NEK10: variants seen among roughly 807,000 people sequenced by gnomAD.
The protein encoded by NEK10 is NIMA related kinase 10, also known as serine/threonine-protein kinase Nek10.
In NEK10, 122 loss-of-function variants were observed where a neutral mutation model predicts 159.8. That is an observed-to-expected ratio of 0.76 (90% confidence interval 0.66 to 0.89). The LOEUF (loss-of-function observed/expected upper bound fraction) is 0.89, where lower values mean the gene tolerates loss of function less well. Among genes scored for constraint, NEK10 ranks in the 40% least tolerant of loss-of-function variants. NEK10 has a pLI of 0.00. For missense variants in NEK10, 1,342 were observed against 1,323.1 expected (o/e 1.01, Z -0.22); for synonymous variants, 466 against 457.1 (o/e 1.02, Z -0.25).
At chr3:27,265,656 T>A (rs2040825567) in intron 22 of NEK10, 1 of 152,178 alleles carries the variant, frequency 6.6e-6, no homozygotes, top group Admixed American at 6.5e-5. Context: ...CACTCCAATT[T>A]TAGTATACAT....
chr3:27,214,947 A>C, intron 23 of NEK10: 1 of 875,602 alleles, frequency 1.1e-6, no homozygotes, highest in Non-Finnish European at 1.9e-6. Flanking sequence ...TTCCTAATCC[A>C]AAACCAGTGC....
rs1158696530 is a variant in NEK10, at chr3:27,214,689, A to AT, written c.2091-12133dup. ...TGGAGTTTAAAGCATTACTGATAACATTGTTACAGAAGAATGGCAGCTTAC... is the reference window on the plus strand; with the variant it reads ...TGGAGTTTAAAGCATTACTGATAACATTTGTTACAGAAGAATGGCAGCTTAC... On this transcript the variant is annotated intron_variant, in intron 23 of 35. Coordinates refer to ENST00000691995, the MANE Select transcript of NEK10 (RefSeq NM_001394966.1). 2.2e-5 allele frequency: 14 copies of AT among 631,370 alleles called. 1 individual carries two copies. In the Admixed American group the frequency reaches 3.0e-4, roughly 13 times the overall value. The allele number at this position is 631,370 out of a possible 1,614,324, so 39.1% of individuals were successfully genotyped here. A position where few individuals can be genotyped will look rare whatever the true frequency, so the allele number is the denominator to read the frequency against.
At chr3:27,218,587 G>A (rs564835849) in intron 23 of NEK10, among the ~76,000 whole-genome samples, 4 of 124,818 alleles carry the variant, frequency 3.2e-5, no homozygotes, top group South Asian at 2.8e-4. Context: ...CCTGGGCAAC[G>A]TATCAAGTCT....
intron 6 of NEK10, among the ~76,000 whole-genome samples, chr3:27,316,819 GAGAA>G (rs1225143431): frequency 1.3e-5 from 2 of 151,928 alleles, no homozygotes; most frequent in African/African-American, 4.8e-5. Context: ...GAGAGACAGA[GAGAA>G]AGAGAGAGTT....
chr3:27,312,175 A>G lies in NEK10; in HGVS notation c.492T>C (p.Tyr164=), dbSNP rs1186327800. The G allele has an allele frequency of 2.5e-6, 4 of 1,602,440 alleles. No individual in the cohort carries two copies. Among genetic ancestry groups the G allele is most frequent in the African/African-American group, 2.7e-5 (2 of 74,618 alleles). ...GGTACTCATTGGCTACAATCTCCAT[A>G]TACTGCATGAAGGACCAAACCAACA... The part of the protein sequence containing the change: ...SLGGIENLAQ[Y]MEIVANEYLG... The change falls in exon 8 of 36, where the codon TAT becomes TAC. Residue 164 remains tyrosine (Y), a splice_region_variant and synonymous_variant. Coordinates refer to ENST00000691995, the MANE Select transcript of NEK10 (RefSeq NM_001394966.1).
chr3:27,269,887 G>C (rs1323679266), intron 22 of NEK10, among the ~76,000 whole-genome samples: 1 of 152,182 alleles, frequency 6.6e-6, no homozygotes, highest in Non-Finnish European at 1.5e-5. Context: ...GACTGATATA[G>C]TTCCTCACTT....
Position 27,108,178 on chromosome 3 carries a change from TC to T in NEK10, c.*3093del, listed in dbSNP as rs1485691500. On this transcript the variant is annotated 3_prime_UTR_variant, in exon 36 of 36. Transcript: ENST00000691995. ...ATCAATTATATCATTTGAGTAAATT[TC>T]CTAACAGTGTTTCTTAATTGTGTTC... is the stretch of plus-strand genomic sequence containing the variant. Among the ~76,000 whole-genome samples, 4 of 152,228 alleles carry T rather than the reference TC, an allele frequency of 2.6e-5. No individual in the cohort carries two copies. The highest frequency in any genetic ancestry group is 7.2e-5 in the African/African-American group (3 of 41,454).
chr3:27,253,671 G>C lies in NEK10; in HGVS notation c.2090+2625C>G, dbSNP rs74329999. 6.6e-3 allele frequency among the ~76,000 whole-genome samples: 1,006 copies of C among 152,258 alleles called. 3 individuals carry two copies. The highest frequency in any genetic ancestry group is 0.011 in the Non-Finnish European group (740 of 68,022). On this transcript the variant is annotated intron_variant, in intron 23 of 35. Coordinates refer to ENST00000691995, the MANE Select transcript of NEK10 (RefSeq NM_001394966.1). ...ATATCTGAGGAAGCAAAAGCAAATGGAAAGGGCAAAATGACATGGGGACAT... is the reference window on the plus strand; with the variant it reads ...ATATCTGAGGAAGCAAAAGCAAATGCAAAGGGCAAAATGACATGGGGACAT...
intron 13 of NEK10, 84 bp downstream of exon 13, chr3:27,301,612 T>C (rs1208428188): frequency 5.3e-6 from 6 of 1,126,816 alleles, no homozygotes; most frequent in Non-Finnish European, 7.7e-6. Flanking sequence ...TTTTGCCTAC[T>C]TAACACTACT....
chr3:27,175,964 T>A (rs964967603), intron 26 of NEK10, among the ~76,000 whole-genome samples: 3 of 152,208 alleles, frequency 2.0e-5, no homozygotes, highest in Admixed American at 6.5e-5. Context: ...CAGATTTATG[T>A]GTTTTTTATT....
In NEK10 at chr3:27,141,732, T is replaced by C. The variant is rs1015154964; in HGVS notation, c.2870-150A>G. 5.5e-6 allele frequency: 3 copies of C among 546,748 alleles called. No homozygotes were observed. In the Admixed American group the frequency reaches 1.0e-4, roughly 18 times the overall value. 33.9% of individuals were successfully genotyped at this position (546,748 alleles called of 1,614,324 possible). A position where few individuals can be genotyped will look rare whatever the true frequency, so the allele number is the denominator to read the frequency against. The stretch of plus-strand genomic sequence containing the variant: ...CAGAGACCCTGTAATACTTCAACAT[T>C]TTATGACATGGAATAAAAAATATCT... On this transcript the variant is annotated intron_variant, in intron 30 of 35. Transcript: ENST00000691995.
chr3:27,121,069 C>G (rs762190856), intron 32 of NEK10, among the ~76,000 whole-genome samples: 11 of 152,162 alleles, frequency 7.2e-5, no homozygotes, highest in Non-Finnish European at 1.3e-4. Flanking sequence ...ACCCAGCAAT[C>G]TGACTCTTAA....
At position 27,331,262 on chromosome 3, in the gene NEK10, A is replaced by AAAAAAAAAC; in HGVS notation, c.363-9002_363-9001insGTTTTTTTT. Among the ~76,000 whole-genome samples the AAAAAAAAAC allele has an allele frequency of 5.4e-4, 59 of 110,126 alleles. 3 individuals are homozygous for AAAAAAAAAC. The highest frequency in any genetic ancestry group is 6.8e-3 in the Middle Eastern group (1 of 148). The allele number at this position is 110,126 out of a possible 152,430, so 72.2% of individuals were successfully genotyped here. On this transcript the variant is annotated intron_variant, in intron 5 of 35. Coordinates refer to ENST00000691995, the MANE Select transcript of NEK10 (RefSeq NM_001394966.1). The stretch of plus-strand genomic sequence containing the variant: ...CAAAAAAAAAAAAACAAAAAAAAAA[A>AAAAAAAAAC]ACACACAAACCTAAGACTTTTGAGG...
At chr3:27,243,377 A>C (rs1954749533) in intron 23 of NEK10, among the ~76,000 whole-genome samples, 1 of 151,798 alleles carries the variant, frequency 6.6e-6, no homozygotes, top group Admixed American at 6.6e-5. Flanking sequence ...GTAGCCCTGC[A>C]AAATAATGAA....
intron 26 of NEK10, among the ~76,000 whole-genome samples, chr3:27,191,334 C>T (rs144057823): frequency 9.2e-5 from 14 of 151,600 alleles, no homozygotes; most frequent in Admixed American, 7.9e-4. Context: ...CTTACCAGGT[C>T]GCCACTGGGT....
intron 23 of NEK10, among the ~76,000 whole-genome samples, chr3:27,255,570 T>A (rs1956091322): frequency 6.6e-6 from 1 of 152,032 alleles, no homozygotes; most frequent in South Asian, 2.1e-4. Context: ...TTCCCTGAAA[T>A]CTGCTTTTCT....
chr3:27,342,534 A>G (rs887015746), intron 5 of NEK10, among the ~76,000 whole-genome samples: 11 of 148,282 alleles, frequency 7.4e-5, no homozygotes, highest in Non-Finnish European at 1.5e-5. Context: ...GAGATCTACA[A>G]TTATCTCTTC....
intron 17 of NEK10, 31 bp downstream of exon 17, chr3:27,291,453 C>G (rs2042989394): frequency 6.2e-7 from 1 of 1,601,344 alleles, no homozygotes; most frequent in Non-Finnish European, 8.6e-7. Flanking sequence ...TACATAGCAG[C>G]CTGCCAAAAT....
chr3:27,335,947 G>A (rs531464469), intron 5 of NEK10, among the ~76,000 whole-genome samples: 1 of 152,108 alleles, frequency 6.6e-6, no homozygotes, highest in African/African-American at 2.4e-5. Flanking sequence ...TACACCTCAA[G>A]ATACTAGAAA....
Sources: gnomAD v4.1 joint callset for allele counts (sites outside exome capture counted in the v4.1 genomes callset) on GRCh38, gnomAD v4.1.1 for gene constraint, MANE v1.5 for transcripts, NCBI Gene and HGNC (gene_info 2026-07-23, HGNC 2026-07-21) for gene names.